Variants in PCDH15 observed in about 807,000 individuals in gnomAD.
The protein encoded by PCDH15 is protocadherin related 15, also known as protocadherin-15.
Under a neutral mutation model 178.5 loss-of-function variants are expected in PCDH15, and 129 were observed. The ratio of observed to expected loss-of-function variants is 0.72; its 90% CI spans 0.63 to 0.84. The LOEUF (loss-of-function observed/expected upper bound fraction) is 0.84. Among genes scored for constraint, PCDH15 ranks in the 40% least tolerant of loss-of-function variants. The probability of loss-of-function intolerance (pLI) is 0.00; values close to 1 mark genes in which losing one functional copy is unlikely to be tolerated. For synonymous variants in PCDH15, 800 were observed against 732.0 expected (o/e 1.09, Z -1.50); for missense variants, 2,230 against 2,099.9 (o/e 1.06, Z -1.21).
intron 2 of PCDH15, among the ~76,000 whole-genome samples, chr10:54,945,351 T>TATATAGATA (rs36018565): frequency 4.1e-3 from 561 of 138,096 alleles, no homozygotes; most frequent in Middle Eastern, 7.8e-3. Flanking sequence ...GATAGATAGA[T>TATATAGATA]GATAGATAGA....
chr10:54,573,326 C>T (rs528132097), intron 2 of PCDH15, among the ~76,000 whole-genome samples: 1 of 152,008 alleles, frequency 6.6e-6, no homozygotes, highest in Non-Finnish European at 1.5e-5. Context: ...AACACTTAAC[C>T]AAAGTGCTGA....
At chr10:55,144,267 TGA>T (rs66895047) in intron 2 of PCDH15, among the ~76,000 whole-genome samples, 47,801 of 140,154 alleles carry the variant, frequency 0.34, 7,873 homozygotes, top group South Asian at 0.43. Context: ...GTATTACGGC[TGA>T]GAAAAAAAAA....
At chr10:55,568,369 GAACA>G (rs545419423) in intron 2 of PCDH15, among the ~76,000 whole-genome samples, 2 of 151,910 alleles carry the variant, frequency 1.3e-5, no homozygotes, top group Admixed American at 6.6e-5. Flanking sequence ...AAAATCCTCA[GAACA>G]GACAGTGAAA....
intron 2 of PCDH15, among the ~76,000 whole-genome samples, chr10:55,032,899 T>A (rs1359625990): frequency 6.6e-6 from 1 of 152,154 alleles, no homozygotes; most frequent in South Asian, 2.1e-4. Flanking sequence ...AGCCCAGAAC[T>A]CCTTCAAGTC....
At chr10:54,640,794 C>A (rs2093970018) in intron 2 of PCDH15, among the ~76,000 whole-genome samples, 1 of 151,940 alleles carries the variant, frequency 6.6e-6, no homozygotes, top group African/African-American at 2.4e-5. Context: ...TTTTAAGAGT[C>A]TTAGTGACAT....
chr10:53,983,739 T>C (rs1324111969), intron 21 of PCDH15, among the ~76,000 whole-genome samples: 12 of 152,196 alleles, frequency 7.9e-5, no homozygotes, highest in Non-Finnish European at 1.8e-4. Flanking sequence ...AAGTTGACAT[T>C]TGGCACACCG....
intron 22 of PCDH15, among the ~76,000 whole-genome samples, chr10:53,960,198 A>G (rs947087349): frequency 6.6e-6 from 1 of 152,224 alleles, no homozygotes; most frequent in Non-Finnish European, 1.5e-5. Flanking sequence ...GCCCACAGTA[A>G]ATACACATGA....
At chr10:55,472,437 G>C (rs1252390650) in intron 2 of PCDH15, among the ~76,000 whole-genome samples, 1 of 140,814 alleles carries the variant, frequency 7.1e-6, no homozygotes, top group Non-Finnish European at 1.5e-5. Context: ...TTGGAAGAGA[G>C]TTCTTCAGAA....
At chr10:54,535,603 G>A (rs2489894) in intron 2 of PCDH15, among the ~76,000 whole-genome samples, 40,600 of 150,764 alleles carry the variant, frequency 0.27, 6,384 homozygotes, top group East Asian at 0.44. Context: ...CCAGCTATTC[G>A]GGAGGCTGAG....
At chr10:55,065,431 T>C (rs1841538472) in intron 2 of PCDH15, among the ~76,000 whole-genome samples, 1 of 152,108 alleles carries the variant, frequency 6.6e-6, no homozygotes. Flanking sequence ...TCCTGTTGTA[T>C]GACTCTACAG....
At chr10:54,538,565 C>G (rs1382161209) in intron 2 of PCDH15, among the ~76,000 whole-genome samples, 2 of 152,024 alleles carry the variant, frequency 1.3e-5, no homozygotes, top group African/African-American at 4.8e-5. Context: ...TAGGATTGTG[C>G]TTTGGTTTGA....
At chr10:55,392,146 A>G (rs1366789603) in intron 2 of PCDH15, among the ~76,000 whole-genome samples, 3 of 152,190 alleles carry the variant, frequency 2.0e-5, no homozygotes, top group African/African-American at 7.2e-5. Context: ...AAATAGTAAC[A>G]TTAAAGATCA....
intron 2 of PCDH15, among the ~76,000 whole-genome samples, chr10:54,995,914 T>G (rs970263016): frequency 1.3e-5 from 2 of 152,326 alleles, no homozygotes; most frequent in African/African-American, 4.8e-5. Context: ...TCCTGTTATA[T>G]AAATCCCTAA....
chr10:53,899,804 G>A (rs946612485), intron 26 of PCDH15, among the ~76,000 whole-genome samples: 1 of 152,138 alleles, frequency 6.6e-6, no homozygotes, highest in Admixed American at 6.5e-5. Flanking sequence ...CTTAACTCAT[G>A]CTCTGATTAA....
intron 2 of PCDH15, among the ~76,000 whole-genome samples, chr10:54,966,090 C>A (rs7915572): frequency 0.025 from 3,830 of 151,344 alleles, 156 homozygotes; most frequent in African/African-American, 0.086. Context: ...ACAGAATATT[C>A]TATAGGAACA....
At chr10:54,479,178 A>C (rs537085915) in intron 3 of PCDH15, among the ~76,000 whole-genome samples, 1 of 152,094 alleles carries the variant, frequency 6.6e-6, no homozygotes, top group Admixed American at 6.6e-5. Context: ...AGTTCTCCAA[A>C]ATGTTTTTTG....
chr10:53,845,872 T>C (rs1425124170), intron 28 of PCDH15, among the ~76,000 whole-genome samples: 1 of 151,786 alleles, frequency 6.6e-6, no homozygotes, highest in South Asian at 2.1e-4. Flanking sequence ...ATAAGAAGAA[T>C]TGTAATGGTC....
intron 3 of PCDH15, among the ~76,000 whole-genome samples, chr10:54,850,216 C>A (rs998432120): frequency 3.9e-5 from 6 of 152,122 alleles, no homozygotes; most frequent in Admixed American, 2.0e-4. Flanking sequence ...CTCTCAGCAG[C>A]ATTTACATCA....
At chr10:54,734,244 G>A (rs1943786054) in intron 1 of PCDH15, among the ~76,000 whole-genome samples, 1 of 151,832 alleles carries the variant, frequency 6.6e-6, no homozygotes, top group Admixed American at 6.6e-5. Flanking sequence ...AAATATGTGG[G>A]CAAAGTTCAG....
Sources: gnomAD v4.1 joint callset for allele counts (sites outside exome capture counted in the v4.1 genomes callset) on GRCh38, gnomAD v4.1.1 for gene constraint, MANE v1.5 for transcripts, NCBI Gene and HGNC (gene_info 2026-07-23, HGNC 2026-07-21) for gene names.